CENPU: variants seen among roughly 807,000 people sequenced by gnomAD.
The protein encoded by CENPU is centromere protein U.
In CENPU, 46 loss-of-function variants were observed where a neutral mutation model predicts 56.7. That is an observed-to-expected ratio of 0.81 (90% confidence interval 0.64 to 1.04). The LOEUF is 1.04. CENPU is among the 50% of genes least tolerant of loss of function. The pLI is 0.00. For missense variants in CENPU, 510 were observed against 490.1 expected, an observed-to-expected ratio of 1.04 and a Z score of -0.38; for synonymous variants, 166 against 163.0, an observed-to-expected ratio of 1.02 and a Z score of -0.14.
At chr4:184,732,197 T>A (rs6552811) in intron 1 of CENPU, among the ~76,000 whole-genome samples, 120,387 of 151,906 alleles carry the variant, frequency 0.79, 48,512 homozygotes, top group East Asian at 1. Flanking sequence ...TGTGGATGTG[T>A]GCACACGTGT....
intron 4 of CENPU, among the ~76,000 whole-genome samples, chr4:184,721,457 T>TTA (rs375347043): frequency 4.8e-3 from 358 of 74,568 alleles, no homozygotes; most frequent in Non-Finnish European, 6.2e-3. Flanking sequence ...TGGCTGATTG[T>TTA]AAAAAAAAAA....
At chr4:184,712,915 G>A in intron 7 of CENPU, 29 bp downstream of exon 7, 1 of 1,428,058 alleles carries the variant, frequency 7.0e-7, no homozygotes, top group Non-Finnish European at 9.6e-7. Context: ...TCCTGAATGA[G>A]TGACAAAGTA....
chr4:184,733,895 G>T, intron 1 of CENPU, 121 bp downstream of exon 1: 1 of 1,347,530 alleles, frequency 7.4e-7, no homozygotes, highest in Non-Finnish European at 1.1e-6. Flanking sequence ...CGGGCGATTG[G>T]CCACTCGGGC....
At position 184,728,929 on chromosome 4, in the gene CENPU, T is replaced by C; in HGVS notation, c.203A>G (p.Tyr68Cys). 6.2e-7 allele frequency: 1 copy of C among 1,613,450 alleles called. No homozygotes were observed. The highest frequency in any genetic ancestry group is 8.5e-7 in the Non-Finnish European group (1 of 1,179,392). The change falls in exon 3 of 13, where the codon TAT (tyrosine) becomes TGT (cysteine). Residue 68 changes from tyrosine (Y) to cysteine (C), a missense_variant. Physicochemically the swap from Tyr to Cys is radical, Grantham distance 194. Coordinates refer to ENST00000281453, the MANE Select transcript of CENPU (RefSeq NM_024629.4). ...LGENEKDEET[Y>C]ETFDPPLHST... ...TTTAAAGTACTAACCAAAGGTCTCA[T>C]AAGTTTCTTCATCTTTCTCATTTTC...
chr4:184,712,829 A>G (rs1013963088), intron 7 of CENPU, 115 bp downstream of exon 7: 1 of 715,560 alleles, frequency 1.4e-6, no homozygotes, highest in African/African-American at 1.9e-5. Context: ...CCTAATTTTT[A>G]AAAGTGGCAA....
At position 184,707,127 on chromosome 4, in the gene CENPU, A is replaced by T. The variant is rs538402402; in HGVS notation, c.797+2945T>A. ...GAAGAGTAAAACAGGCACTTCTCAC[A>T]ATGATAATGATGAGTTGGCATGACA... is the stretch of plus-strand genomic sequence containing the variant. On this transcript the variant is annotated intron_variant, in intron 8 of 12. Coordinates refer to ENST00000281453, the MANE Select transcript of CENPU (RefSeq NM_024629.4). 2.0e-5 allele frequency among the ~76,000 whole-genome samples: 3 copies of T among 151,360 alleles called. No individual in the cohort carries two copies. The East Asian group carries it at 5.8e-4, about 29-fold the overall frequency.
intron 6 of CENPU, 37 bp downstream of exon 6, chr4:184,716,359 CT>C (rs34178195): frequency 1.0e-5 from 15 of 1,436,700 alleles, no homozygotes; most frequent in East Asian, 2.3e-5. Flanking sequence ...TTTCAATAAA[CT>C]TTTTTTGCCC....
At chr4:184,719,436 C>T (rs1339845018) in intron 4 of CENPU, among the ~76,000 whole-genome samples, 3 of 152,206 alleles carry the variant, frequency 2.0e-5, no homozygotes, top group South Asian at 4.1e-4. Flanking sequence ...CTGATGCCCA[C>T]ACACAGAGGG....
At chr4:184,700,768 A>G (rs1760507850) in intron 11 of CENPU, 52 bp downstream of exon 11, 2 of 1,461,586 alleles carry the variant, frequency 1.4e-6, no homozygotes, top group Non-Finnish European at 1.9e-6. Flanking sequence ...ATGACACACC[A>G]TCATTACATC....
At chr4:184,723,863 A>T (rs1017396247) in intron 4 of CENPU, among the ~76,000 whole-genome samples, 5 of 151,394 alleles carry the variant, frequency 3.3e-5, no homozygotes, top group Middle Eastern at 3.4e-3. Flanking sequence ...AAAAAAAAAA[A>T]AAATAAGCTG....
intron 11 of CENPU, chr4:184,699,535 AC>A (rs746452757): frequency 1.5e-4 from 195 of 1,283,432 alleles, no homozygotes; most frequent in Non-Finnish European, 2.0e-4. Flanking sequence ...TATTATATTT[AC>A]CTTTAGTTTT....
intron 12 of CENPU, among the ~76,000 whole-genome samples, chr4:184,697,002 TC>T: frequency 9.7e-6 from 1 of 102,942 alleles, no homozygotes; most frequent in Non-Finnish European, 2.1e-5. Flanking sequence ...CACCTCAGCC[TC>T]CTGAGTAGCT....
intron 8 of CENPU, among the ~76,000 whole-genome samples, chr4:184,709,364 G>A (rs988798821): frequency 6.6e-6 from 1 of 151,924 alleles, no homozygotes; most frequent in Non-Finnish European, 1.5e-5. Flanking sequence ...GCACATGCCT[G>A]TAGTCCCAGC....
chr4:184,721,554 G>A (rs191266093), intron 4 of CENPU, among the ~76,000 whole-genome samples: 1,846 of 150,326 alleles, frequency 0.012, 14 homozygotes, highest in Non-Finnish European at 0.016. Flanking sequence ...TAAAAGTATG[G>A]AAAAAGATAT....
rs1016133809 is a variant in CENPU, at chr4:184,695,111, T to C, written c.*177A>G. The C allele has an allele frequency of 7.1e-6, 4 of 566,378 alleles. No individual in the cohort carries two copies. Among genetic ancestry groups the C allele is most frequent in the South Asian group, 2.3e-5 (1 of 44,364 alleles). The allele number at this position is 566,378 out of a possible 1,614,324, so 35.1% of individuals were successfully genotyped here. ...AAGATGATTATGGCCTTTAAAACTA[T>C]TGGACAAACTGATGCTATTTAACAT... On this transcript the variant is annotated 3_prime_UTR_variant, in exon 13 of 13. Coordinates refer to ENST00000281453, the MANE Select transcript of CENPU (RefSeq NM_024629.4).
At position 184,722,719 on chromosome 4, in the gene CENPU, A is replaced by AC. The variant is rs10655696; in HGVS notation, c.320+2237_320+2238insG. ...ACAAAACAAAACAAAACAAAACAAA[A>AC]AAAAACTGTAACATAGGGCTAATCT... On this transcript the variant is annotated intron_variant, in intron 4 of 12. Coordinates refer to ENST00000281453, the MANE Select transcript of CENPU (RefSeq NM_024629.4). 5.5e-4 allele frequency among the ~76,000 whole-genome samples: 57 copies of AC among 103,392 alleles called. 1 individual carries two copies. In the Middle Eastern group the frequency reaches 0.015, roughly 27 times the overall value. The allele number at this position is 103,392 out of a possible 152,430, so 67.8% of individuals were successfully genotyped here. A position where few individuals can be genotyped will look rare whatever the true frequency, so the allele number is the denominator to read the frequency against.
chr4:184,721,687 T>C (rs1761283824), intron 4 of CENPU, among the ~76,000 whole-genome samples: 1 of 152,136 alleles, frequency 6.6e-6, no homozygotes. Context: ...AAGGGGTCAA[T>C]TCAGCAAGAG....
chr4:184,695,127 T>A lies in CENPU; in HGVS notation c.*161A>T. 1 of 581,166 alleles carries A rather than the reference T, an allele frequency of 1.7e-6. No homozygotes were observed. Among genetic ancestry groups the A allele is most frequent in the Non-Finnish European group, 3.1e-6 (1 of 325,802 alleles). The allele number at this position is 581,166 out of a possible 1,614,324, so 36.0% of individuals were successfully genotyped here. On this transcript the variant is annotated 3_prime_UTR_variant, in exon 13 of 13. Coordinates refer to ENST00000281453, the MANE Select transcript of CENPU (RefSeq NM_024629.4). ...TTAAAACTATTGGACAAACTGATGC[T>A]ATTTAACATTGTTCACAGCCATTTA...
intron 12 of CENPU, 102 bp downstream of exon 12, chr4:184,697,545 G>C: frequency 9.2e-7 from 1 of 1,092,390 alleles, no homozygotes. Flanking sequence ...CTGTAATTCT[G>C]TATCTGCATT....
Sources: allele counts gnomAD v4.1 joint callset (sites outside exome capture counted in the v4.1 genomes callset), GRCh38; gene constraint gnomAD v4.1.1; transcripts MANE v1.5; gene names NCBI Gene and HGNC (gene_info 2026-07-23, HGNC 2026-07-21).